The following SUGCT variants were observed in gnomAD, a reference collection of about 807,000 sequenced individuals.
SUGCT encodes succinyl-CoA:glutarate-CoA transferase.
Under a neutral mutation model 55.0 loss-of-function variants are expected in SUGCT, and 41 were observed. The ratio of observed to expected loss-of-function variants is 0.74; its 90% confidence interval spans 0.58 to 0.97. SUGCT has a LOEUF of 0.97. Ranked by LOEUF, SUGCT falls within the 50% of genes least tolerant of loss-of-function variation. The pLI, the probability that SUGCT is intolerant of heterozygous loss-of-function variation, is 0.00. For synonymous variants in SUGCT, 187 were observed against 200.4 expected (o/e 0.93, Z 0.56); for missense variants, 568 against 547.8 (o/e 1.04, Z -0.37).
chr7:40,590,900 G>C (rs1164927788), intron 12 of SUGCT, among the ~76,000 whole-genome samples: 1 of 152,056 alleles, frequency 6.6e-6, no homozygotes, highest in Non-Finnish European at 1.5e-5. Flanking sequence ...TCGAGACCTA[G>C]TGCTCAGAAA....
intron 10 of SUGCT, among the ~76,000 whole-genome samples, chr7:40,454,409 G>A (rs913916851): frequency 5.3e-5 from 8 of 152,190 alleles, no homozygotes; most frequent in African/African-American, 1.9e-4. Context: ...CCTGAGAAAT[G>A]TGTCAGTTGG....
At chr7:40,227,680 T>C (rs1226259437) in intron 6 of SUGCT, among the ~76,000 whole-genome samples, 2 of 151,974 alleles carry the variant, frequency 1.3e-5, no homozygotes, top group African/African-American at 2.4e-5. Context: ...AACCTCAGAT[T>C]TCATCATTTC....
At chr7:40,637,393 C>T (rs73310227) in intron 12 of SUGCT, among the ~76,000 whole-genome samples, 11,497 of 152,220 alleles carry the variant, frequency 0.076, 478 homozygotes, top group Middle Eastern at 0.11. Flanking sequence ...TATCTTGCAT[C>T]AAGGAGAGGT....
chr7:40,853,236 T>A (rs985534655), intron 13 of SUGCT, among the ~76,000 whole-genome samples: 1 of 152,188 alleles, frequency 6.6e-6, no homozygotes, highest in Non-Finnish European at 1.5e-5. Flanking sequence ...ATACATTAAT[T>A]AATATGATAT....
At chr7:40,706,127 G>C (rs1323749695) in intron 12 of SUGCT, among the ~76,000 whole-genome samples, 1 of 151,986 alleles carries the variant, frequency 6.6e-6, no homozygotes, top group African/African-American at 2.4e-5. Flanking sequence ...TTATTCTATG[G>C]TACATATATT....
intron 12 of SUGCT, among the ~76,000 whole-genome samples, chr7:40,739,122 G>A (rs745689724): frequency 2.6e-5 from 4 of 152,104 alleles, no homozygotes; most frequent in Non-Finnish European, 5.9e-5. Context: ...GTAACTTCTT[G>A]CAAAACTATA....
chr7:40,863,862 C>T (rs1029895281), downstream of SUGCT, among the ~76,000 whole-genome samples: 12 of 151,880 alleles, frequency 7.9e-5, no homozygotes, highest in Non-Finnish European at 1.5e-4. Flanking sequence ...ACTCCTCTTC[C>T]TGCTTGATCT....
intron 12 of SUGCT, among the ~76,000 whole-genome samples, chr7:40,729,432 C>T (rs1786780332): frequency 6.6e-6 from 1 of 152,176 alleles, no homozygotes; most frequent in Admixed American, 6.5e-5. Context: ...CCAAATAAAG[C>T]TTCGCTAAAA....
At chr7:41,029,283 G>A in the SUGCT span, among the ~76,000 whole-genome samples, 8 of 152,236 alleles carry the variant, frequency 5.3e-5, no homozygotes, top group South Asian at 8.3e-4. Context: ...ATGGGGCCTC[G>A]GCTATATCCG....
intron 12 of SUGCT, among the ~76,000 whole-genome samples, chr7:40,520,076 A>G (rs967120046): frequency 6.6e-6 from 1 of 152,130 alleles, no homozygotes; most frequent in African/African-American, 2.4e-5. Context: ...ATGGAAATAG[A>G]CAATGGGAAA....
the SUGCT span, among the ~76,000 whole-genome samples, chr7:40,980,369 C>G: frequency 1.3e-5 from 2 of 152,120 alleles, no homozygotes; most frequent in Non-Finnish European, 2.9e-5. Context: ...CCCTTTTGCC[C>G]CCCCAAATTC....
At chr7:40,312,653 A>G (rs1795222528) in intron 8 of SUGCT, among the ~76,000 whole-genome samples, 1 of 152,192 alleles carries the variant, frequency 6.6e-6, no homozygotes, top group Admixed American at 6.5e-5. Context: ...GAAATCAGAT[A>G]AATTAAGTGT....
At position 40,772,341 on chromosome 7, in the gene SUGCT, G is replaced by A. The variant is rs1789147855; in HGVS notation, c.1153+22844G>A. On this transcript the variant is annotated intron_variant, in intron 13 of 13. Transcript: ENST00000335693. ...CAGATAAAAGCCTTTATTCTTTGGA[G>A]GAGAACATGCTTCTGGTTAAAAAAA... is the stretch of plus-strand genomic sequence containing the variant. Among the ~76,000 whole-genome samples the A allele has an allele frequency of 2.0e-5, 3 of 151,974 alleles. No homozygotes were observed. In the South Asian group the frequency reaches 6.2e-4, roughly 32 times the overall value.
chr7:40,501,825 A>G (rs1276024137), intron 12 of SUGCT, among the ~76,000 whole-genome samples: 1 of 152,102 alleles, frequency 6.6e-6, no homozygotes, highest in African/African-American at 2.4e-5. Flanking sequence ...TTACCCATAA[A>G]TGCTCTGAGC....
the SUGCT span, among the ~76,000 whole-genome samples, chr7:40,982,990 T>C: frequency 6.6e-6 from 1 of 152,194 alleles, no homozygotes; most frequent in Non-Finnish European, 1.5e-5. Context: ...CTCTGCACTT[T>C]TAGCAAGAAC....
chr7:40,745,907 G>C (rs1020952683), intron 12 of SUGCT, among the ~76,000 whole-genome samples: 1 of 152,162 alleles, frequency 6.6e-6, no homozygotes. Flanking sequence ...GCAGTTAATT[G>C]TTAGTGGTCA....
intron 12 of SUGCT, among the ~76,000 whole-genome samples, chr7:40,586,170 G>C (rs1258391436): frequency 6.6e-6 from 1 of 151,990 alleles, no homozygotes; most frequent in African/African-American, 2.4e-5. Flanking sequence ...CTAATTATTA[G>C]TTTTTCCTGT....
intron 13 of SUGCT, among the ~76,000 whole-genome samples, chr7:40,836,138 A>G (rs1429142257): frequency 6.6e-6 from 1 of 151,716 alleles, no homozygotes; most frequent in Non-Finnish European, 1.5e-5. Context: ...AGCTCAAACA[A>G]TCCTCTCAAC....
chr7:40,717,883 G>A (rs979321810), intron 12 of SUGCT, among the ~76,000 whole-genome samples: 21 of 151,972 alleles, frequency 1.4e-4, no homozygotes, highest in African/African-American at 4.8e-4. Context: ...TTATATTAGA[G>A]GTAGTTACTG....
Sources: gnomAD v4.1 joint callset for allele counts (sites outside exome capture counted in the v4.1 genomes callset) on GRCh38, gnomAD v4.1.1 for gene constraint, MANE v1.5 for transcripts, NCBI Gene and HGNC (gene_info 2026-07-23, HGNC 2026-07-21) for gene names.